Variants in KCNMA1 observed in about 807,000 individuals in gnomAD.
KCNMA1 encodes the protein potassium calcium-activated channel subfamily M alpha 1, also known as Calcium-activated potassium channel subunit alpha-1.
A neutral mutation model predicts 140.0 loss-of-function variants in KCNMA1; 29 were observed. The observed-to-expected ratio is 0.21, with a 90% CI of 0.15 to 0.28. The LOEUF (loss-of-function observed/expected upper bound fraction) is 0.28. Ranked by LOEUF, KCNMA1 falls within the 10% of genes least tolerant of loss-of-function variation. KCNMA1 has a pLI of 1.00. For synonymous variants in KCNMA1, 612 were observed against 611.9 expected, an observed-to-expected ratio of 1.00 and a Z score of 0.00; for missense variants, 880 against 1,602.2, an observed-to-expected ratio of 0.55 and a Z score of 7.70.
rs536567805 is a variant in KCNMA1, at chr10:77,433,126, G to T, written c.379-29103C>A. ...AAGGTGATTTCATTTTTAAAAATTT[G>T]TTGTTTATTTGTCAAGAGAAACTAT... On this transcript the variant is annotated intron_variant, in intron 1 of 27. Transcript: ENST00000286628. Among the ~76,000 whole-genome samples the T allele has an allele frequency of 3.3e-5, 5 of 152,222 alleles. No individual in the cohort carries two copies. In the East Asian group the frequency reaches 9.6e-4, roughly 29 times the overall value.
intron 1 of KCNMA1, among the ~76,000 whole-genome samples, chr10:77,491,753 A>ACACACACACC (rs962644965): frequency 4.3e-5 from 6 of 139,860 alleles, no homozygotes; most frequent in African/African-American, 1.6e-4. Context: ...ACACACACAC[A>ACACACACACC]CCCTACATAT....
intron 9 of KCNMA1, among the ~76,000 whole-genome samples, chr10:77,106,741 G>A (rs754609206): frequency 2.6e-4 from 40 of 152,260 alleles, no homozygotes; most frequent in Middle Eastern, 6.8e-3. Context: ...AAGGCAAAAT[G>A]AATTGAGATG....
intron 1 of KCNMA1, among the ~76,000 whole-genome samples, chr10:77,410,883 C>A (rs1390887350): frequency 1.3e-5 from 2 of 152,246 alleles, no homozygotes. Flanking sequence ...CACCTCATCC[C>A]GACCTCTCCC....
intron 19 of KCNMA1, among the ~76,000 whole-genome samples, chr10:76,976,450 T>A (rs2077553422): frequency 6.6e-6 from 1 of 152,118 alleles, no homozygotes; most frequent in South Asian, 2.1e-4. Flanking sequence ...AAATACTATA[T>A]AAATATATGA....
At chr10:77,232,356 C>T (rs1468688336) in intron 3 of KCNMA1, among the ~76,000 whole-genome samples, 1 of 152,226 alleles carries the variant, frequency 6.6e-6, no homozygotes, top group Non-Finnish European at 1.5e-5. Flanking sequence ...AGCTACAGCA[C>T]CATTCTACAT....
At chr10:77,167,620 C>G (rs2098657610) in intron 5 of KCNMA1, among the ~76,000 whole-genome samples, 1 of 151,822 alleles carries the variant, frequency 6.6e-6, no homozygotes, top group Non-Finnish European at 1.5e-5. Context: ...AGGGCAGAGA[C>G]TAGGGTAAGA....
chr10:77,578,410 A>G (rs2074894948), intron 1 of KCNMA1, among the ~76,000 whole-genome samples: 1 of 152,174 alleles, frequency 6.6e-6, no homozygotes, highest in African/African-American at 2.4e-5. Flanking sequence ...TTGGCCGGAA[A>G]ATCCCAGACA....
chr10:76,882,053 T>G (rs2034897761), downstream of KCNMA1, among the ~76,000 whole-genome samples: 1 of 152,158 alleles, frequency 6.6e-6, no homozygotes, highest in South Asian at 2.1e-4. Flanking sequence ...GCCACAGGGC[T>G]GCAGGTCACC....
intron 21 of KCNMA1, chr10:76,952,014 A>T: frequency 6.5e-7 from 1 of 1,549,940 alleles, no homozygotes; most frequent in Non-Finnish European, 8.7e-7. Context: ...GTTATTTTTC[A>T]TAGGATAGAA....
At chr10:77,364,924 G>A (rs571922444) in intron 2 of KCNMA1, among the ~76,000 whole-genome samples, 3 of 152,222 alleles carry the variant, frequency 2.0e-5, no homozygotes, top group African/African-American at 7.2e-5. Flanking sequence ...ATAGGAACCG[G>A]GCTAGAATCT....
chr10:77,030,127 C>T (rs1027992505), intron 15 of KCNMA1, among the ~76,000 whole-genome samples: 3 of 152,198 alleles, frequency 2.0e-5, no homozygotes, highest in African/African-American at 7.2e-5. Flanking sequence ...AGCAGACAGT[C>T]AGATGTCAAA....
chr10:77,330,041 C>T (rs2085775234), intron 2 of KCNMA1, among the ~76,000 whole-genome samples: 2 of 152,134 alleles, frequency 1.3e-5, no homozygotes, highest in African/African-American at 4.8e-5. Context: ...GACGTAACCA[C>T]ATATTGGTTT....
intron 1 of KCNMA1, among the ~76,000 whole-genome samples, chr10:77,453,952 C>CTGTAT: frequency 6.6e-6 from 1 of 152,168 alleles, no homozygotes; most frequent in Non-Finnish European, 1.5e-5. Flanking sequence ...ATAGCAGCGT[C>CTGTAT]TCTGTAGTGG....
At chr10:77,012,133 A>C in intron 17 of KCNMA1, 90 bp from the exon 18 acceptor site, 3 of 1,604,288 alleles carry the variant, frequency 1.9e-6, no homozygotes, top group Non-Finnish European at 2.5e-6. Context: ...TGCCAAATTA[A>C]TGAAACACGC....
At chr10:77,480,070 A>C (rs1290735946) in intron 1 of KCNMA1, among the ~76,000 whole-genome samples, 1 of 152,252 alleles carries the variant, frequency 6.6e-6, no homozygotes, top group Non-Finnish European at 1.5e-5. Context: ...CCTGCAGCCA[A>C]GACAGAAGCT....
chr10:77,517,320 CT>C (rs760294651), intron 1 of KCNMA1, among the ~76,000 whole-genome samples: 2 of 152,182 alleles, frequency 1.3e-5, no homozygotes, highest in Non-Finnish European at 2.9e-5. Context: ...AAAACCACCC[CT>C]GGAAAACACA....
At chr10:77,522,126 G>T (rs1224930840) in intron 1 of KCNMA1, among the ~76,000 whole-genome samples, 1 of 151,950 alleles carries the variant, frequency 6.6e-6, no homozygotes, top group Non-Finnish European at 1.5e-5. Context: ...AGTGAGCCAA[G>T]ATCATGTCAC....
chr10:77,262,697 C>T (rs1435688542), intron 2 of KCNMA1, among the ~76,000 whole-genome samples: 2 of 151,950 alleles, frequency 1.3e-5, no homozygotes, highest in African/African-American at 2.4e-5. Flanking sequence ...TGTCCCCTTG[C>T]TCCTGCTCCC....
chr10:77,548,577 G>C (rs1473976019), intron 1 of KCNMA1, among the ~76,000 whole-genome samples: 1 of 152,154 alleles, frequency 6.6e-6, no homozygotes, highest in Admixed American at 6.6e-5. Context: ...GGCAGCTCAG[G>C]GTTTATTCCC....
Sources: allele counts gnomAD v4.1 joint callset (sites outside exome capture counted in the v4.1 genomes callset), GRCh38; gene constraint gnomAD v4.1.1; transcripts MANE v1.5; gene names NCBI Gene and HGNC (gene_info 2026-07-23, HGNC 2026-07-21).